CSNK1D: variants seen among roughly 807,000 people sequenced by gnomAD.
The protein encoded by CSNK1D is casein kinase 1 delta, also known as casein kinase I isoform delta.
A neutral mutation model predicts 46.6 loss-of-function variants in CSNK1D; 16 were observed. That is an observed-to-expected ratio of 0.34 (90% CI 0.23 to 0.52). The LOEUF (loss-of-function observed/expected upper bound fraction) is 0.52. CSNK1D is among the 20% of genes least tolerant of loss of function. CSNK1D has a pLI of 0.95. For missense variants in CSNK1D, 398 were observed against 578.4 expected, an observed-to-expected ratio of 0.69 and a Z score of 3.20; for synonymous variants, 276 against 228.2, an observed-to-expected ratio of 1.21 and a Z score of -1.89.
In CSNK1D at chr17:82,249,337, G is replaced by T; in HGVS notation, c.1057+94C>A. On this transcript the variant is annotated intron_variant, in intron 7 of 8. Transcript: ENST00000314028. This position sits in a 1 kb window ranked among gnomAD's most constrained non-coding sequence, Gnocchi z 6.7. ...CATCGCCTGACACAGGGCACTTAGT[G>T]TCCACCACCAAGTACCCTGTTGTCC... is the stretch of plus-strand genomic sequence containing the variant. 7.7e-7 allele frequency: 1 copy of T among 1,304,186 alleles called. No individual in the cohort carries two copies. Among genetic ancestry groups the T allele is most frequent in the Non-Finnish European group, 1.1e-6 (1 of 938,024 alleles). 80.8% of individuals were successfully genotyped at this position (1,304,186 alleles called of 1,614,324 possible). A position where few individuals can be genotyped will look rare whatever the true frequency, so the allele number is the denominator to read the frequency against.
intron 8 of CSNK1D, chr17:82,246,282 A>G (rs2050848504): frequency 2.1e-6 from 3 of 1,415,690 alleles, no homozygotes; most frequent in African/African-American, 1.4e-5. Context: ...GGCATGGGAC[A>G]GGCCCTCCTG....
chr17:82,244,457 G>C lies in CSNK1D; in HGVS notation c.*324C>G. ...ATTGGTAGTTACAGTGGAATCGTCA[G>C]GGAGTACAGGGCGGCCACCACTGGA... On this transcript the variant is annotated 3_prime_UTR_variant, in exon 9 of 9. Coordinates refer to ENST00000314028, the MANE Select transcript of CSNK1D (RefSeq NM_001893.6). The C allele has an allele frequency of 7.5e-7, 1 of 1,335,970 alleles. No homozygotes were observed. The highest frequency in any genetic ancestry group is 9.6e-7 in the Non-Finnish European group (1 of 1,037,174). 82.8% of individuals were successfully genotyped at this position (1,335,970 alleles called of 1,614,324 possible).
intron 8 of CSNK1D, chr17:82,245,063 G>C (rs986306021): frequency 8.0e-6 from 5 of 625,438 alleles, no homozygotes; most frequent in Non-Finnish European, 1.1e-5. Flanking sequence ...CAAGGTGCCC[G>C]CGGAGCCGGG....
In CSNK1D at chr17:82,273,613, T is replaced by C. The variant is rs2051701494; in HGVS notation, c.-232A>G. 2 of 561,462 alleles carry C rather than the reference T, an allele frequency of 3.6e-6. No homozygotes were observed. The highest frequency in any genetic ancestry group is 3.1e-6 in the Non-Finnish European group (1 of 322,228). 34.8% of individuals were successfully genotyped at this position (561,462 alleles called of 1,614,324 possible). ...CTGCTCCGGCCCCTACCGGTCCCGC[T>C]TGCCCTCTCCCCGCCGCGGATGGAC... On this transcript the variant is annotated 5_prime_UTR_variant, in exon 1 of 9. Transcript: ENST00000314028. This position sits in a 1 kb window ranked among gnomAD's most constrained non-coding sequence, Gnocchi z 5.1.
downstream of CSNK1D, chr17:82,242,580 CAAA>C (rs1177239417): frequency 1.5e-5 from 14 of 925,918 alleles, no homozygotes; most frequent in South Asian, 5.0e-5. Flanking sequence ...ACAGCCATCT[CAAA>C]GAAGTATTTT....
At chr17:82,271,950 C>G (rs1052967915) in intron 1 of CSNK1D, 5 of 152,276 alleles carry the variant, frequency 3.3e-5, no homozygotes, top group African/African-American at 9.6e-5. Context: ...GCAGCAGCCC[C>G]TCTGCAGGCA....
Position 82,244,266 on chromosome 17 carries a change from C to T in CSNK1D, c.*515G>A, listed in dbSNP as rs1304890438. On this transcript the variant is annotated 3_prime_UTR_variant, in exon 9 of 9. Coordinates refer to ENST00000314028, the MANE Select transcript of CSNK1D (RefSeq NM_001893.6). ...ACCTTCTCCCTGCCCGACTCCACCT[C>T]ATACACTAACTCCAAGCCAGCCTGT... is the stretch of plus-strand genomic sequence containing the variant. The T allele has an allele frequency of 1.8e-6, 2 of 1,102,074 alleles. No homozygotes were observed. 68.3% of individuals were successfully genotyped at this position (1,102,074 alleles called of 1,614,324 possible). A position where few individuals can be genotyped will look rare whatever the true frequency, so the allele number is the denominator to read the frequency against.
chr17:82,247,113 G>A (rs2050870564), intron 8 of CSNK1D: 3 of 985,358 alleles, frequency 3.0e-6, no homozygotes, highest in African/African-American at 3.5e-5. Flanking sequence ...TCCAGGAGCA[G>A]AGGCCAAGAG....
At position 82,248,260 on chromosome 17, in the gene CSNK1D, G is replaced by A; in HGVS notation, c.1197+615C>T. 2 of 986,402 alleles carry A rather than the reference G, an allele frequency of 2.0e-6. No individual in the cohort carries two copies. The highest frequency in any genetic ancestry group is 1.2e-6 in the Non-Finnish European group (1 of 830,566). 61.1% of individuals were successfully genotyped at this position (986,402 alleles called of 1,614,324 possible). A position where few individuals can be genotyped will look rare whatever the true frequency, so the allele number is the denominator to read the frequency against. On this transcript the variant is annotated intron_variant, in intron 8 of 8. Coordinates refer to ENST00000314028, the MANE Select transcript of CSNK1D (RefSeq NM_001893.6). This position sits in a 1 kb window ranked among gnomAD's most constrained non-coding sequence, Gnocchi z 4.1. Reference sequence around the variant, plus strand: ...AAAGAGCACGTTAGCAAACGCAAAAGACAACAAAAGCCAGAGCGAGGAGAG... The same window carrying A: ...AAAGAGCACGTTAGCAAACGCAAAAAACAACAAAAGCCAGAGCGAGGAGAG...
At chr17:82,258,571 C>T (rs1056892063) in intron 2 of CSNK1D, among the ~76,000 whole-genome samples, 8 of 152,126 alleles carry the variant, frequency 5.3e-5, no homozygotes, top group Non-Finnish European at 1.2e-4. Context: ...ATTACGGATT[C>T]CCAAATTCCC....
chr17:82,263,306 G>A (rs181285194), intron 2 of CSNK1D, among the ~76,000 whole-genome samples: 76 of 152,336 alleles, frequency 5.0e-4, no homozygotes, highest in African/African-American at 1.7e-3. Flanking sequence ...ATGGCAATGC[G>A]CTCGAAGCCC....
intron 2 of CSNK1D, among the ~76,000 whole-genome samples, chr17:82,259,594 G>A (rs1043969184): frequency 2.6e-5 from 4 of 152,368 alleles, no homozygotes; most frequent in East Asian, 1.9e-4. Flanking sequence ...AACTTCACAC[G>A]TAGGTGCTGG....
rs1018989367 is a variant in CSNK1D, at chr17:82,243,702, C to T, written c.*1079G>A. ...AGCTAGTCTTGGCACGTGGCAAGGA[C>T]AGCCCCGCTCCTGGTTTTAAGCACA... On this transcript the variant is annotated 3_prime_UTR_variant, in exon 9 of 9. Coordinates refer to ENST00000314028, the MANE Select transcript of CSNK1D (RefSeq NM_001893.6). The T allele has an allele frequency of 1.0e-6, 1 of 985,490 alleles. No homozygotes were observed. Among genetic ancestry groups the T allele is most frequent in the Non-Finnish European group, 1.2e-6 (1 of 829,962 alleles). 61.0% of individuals were successfully genotyped at this position (985,490 alleles called of 1,614,324 possible).
chr17:82,252,015 A>T lies in CSNK1D; in HGVS notation c.736+419T>A, dbSNP rs2051025042. On this transcript the variant is annotated intron_variant, in intron 5 of 8. Coordinates refer to ENST00000314028, the MANE Select transcript of CSNK1D (RefSeq NM_001893.6). This position sits in a 1 kb window ranked among gnomAD's most constrained non-coding sequence, Gnocchi z 4.6. Reference sequence around the variant, plus strand: ...TCTTAAAAAAAAAAAAGAAGTCATAAAGCACAATTTAGTTTCATTTGAGGT... The same window carrying T: ...TCTTAAAAAAAAAAAAGAAGTCATATAGCACAATTTAGTTTCATTTGAGGT... 6.6e-6 allele frequency among the ~76,000 whole-genome samples: 1 copy of T among 152,080 alleles called. No homozygotes were observed. Among genetic ancestry groups the T allele is most frequent in the Admixed American group, 6.6e-5 (1 of 15,264 alleles).
chr17:82,243,646 G>C lies in CSNK1D; in HGVS notation c.*1135C>G, dbSNP rs2050780615. The C allele has an allele frequency of 4.1e-6, 4 of 985,522 alleles. No individual in the cohort carries two copies. The highest frequency in any genetic ancestry group is 4.8e-6 in the Non-Finnish European group (4 of 829,986). The allele number at this position is 985,522 out of a possible 1,614,324, so 61.0% of individuals were successfully genotyped here. ...AGTCACCTGCTCCTTGGCACCTCAG[G>C]GTGGGTCCTTCTGGCCTGCCGGCTT... On this transcript the variant is annotated 3_prime_UTR_variant, in exon 9 of 9. Transcript: ENST00000314028.
chr17:82,246,202 C>G, intron 8 of CSNK1D: 1 of 1,525,228 alleles, frequency 6.6e-7, no homozygotes, highest in African/African-American at 1.4e-5. Flanking sequence ...ACTTGCCTCT[C>G]AGGACGGGCC....
chr17:82,248,433 C>T lies in CSNK1D; in HGVS notation c.1197+442G>A. On this transcript the variant is annotated intron_variant, in intron 8 of 8. Coordinates refer to ENST00000314028, the MANE Select transcript of CSNK1D (RefSeq NM_001893.6). The surrounding 1 kb of genome is among the most constrained non-coding windows in gnomAD (Gnocchi z 4.1). ...GGGCATGCCACCAGGGAGGGTCTCA[C>T]AAGAAGCCCGTGGAGGTCCCTACGG... 9.8e-7 allele frequency: 1 copy of T among 1,024,088 alleles called. No homozygotes were observed. The highest frequency in any genetic ancestry group is 1.2e-6 in the Non-Finnish European group (1 of 851,272). 63.4% of individuals were successfully genotyped at this position (1,024,088 alleles called of 1,614,324 possible).
chr17:82,242,133 A>T (rs1286647450), downstream of CSNK1D, among the ~76,000 whole-genome samples: 1 of 147,498 alleles, frequency 6.8e-6, no homozygotes, highest in Non-Finnish European at 1.5e-5. Flanking sequence ...AGCACAGGTT[A>T]GGAGTTGGTG....
At chr17:82,245,259 C>T (rs971253766) in intron 8 of CSNK1D, 4 of 322,218 alleles carry the variant, frequency 1.2e-5, no homozygotes, top group South Asian at 2.8e-5. Context: ...GGCACAGACC[C>T]GACAGAAGCG....
Sources: gnomAD v4.1 joint callset for allele counts (sites outside exome capture counted in the v4.1 genomes callset) on GRCh38, gnomAD v4.1.1 for gene constraint, Gnocchi (gnomAD v3.1) non-coding constraint, MANE v1.5 for transcripts, NCBI Gene and HGNC (gene_info 2026-07-23, HGNC 2026-07-21) for gene names.